BPIFB1: variants seen among roughly 807,000 people sequenced by gnomAD.
BPIFB1 encodes BPI fold-containing family B member 1.
Under a neutral mutation model 55.1 loss-of-function variants are expected in BPIFB1, and 34 were observed. The observed-to-expected ratio is 0.62, with a 90% CI of 0.47 to 0.82. The LOEUF is 0.82. Ranked by LOEUF, BPIFB1 falls within the 40% of genes least tolerant of loss-of-function variation. BPIFB1 has a pLI of 0.00. For synonymous variants in BPIFB1, 236 were observed against 245.3 expected (o/e 0.96, Z 0.35); for missense variants, 532 against 593.1 (o/e 0.90, Z 1.07).
chr20:33,308,545 CA>C (rs1981113853), intron 15 of BPIFB1, among the ~76,000 whole-genome samples: 2 of 144,494 alleles, frequency 1.4e-5, no homozygotes, highest in Admixed American at 6.9e-5. Flanking sequence ...TACACACACA[CA>C]CCTTTATACA....
chr20:33,305,872 C>A, intron 13 of BPIFB1, 130 bp from the exon 14 acceptor site: 1 of 1,027,838 alleles, frequency 9.7e-7, no homozygotes, highest in Non-Finnish European at 1.5e-6. Context: ...CTCTGATCAG[C>A]AGGGGACCTG....
intron 14 of BPIFB1, 53 bp from the exon 15 acceptor site, chr20:33,306,858 C>T: frequency 6.7e-7 from 1 of 1,494,538 alleles, no homozygotes; most frequent in Non-Finnish European, 9.3e-7. Context: ...CTGCCCCTGG[C>T]TGCCCAGTCT....
At chr20:33,305,948 G>C (rs1981011589) in intron 13 of BPIFB1, 54 bp from the exon 14 acceptor site, 1 of 1,590,494 alleles carries the variant, frequency 6.3e-7, no homozygotes, top group Non-Finnish European at 8.6e-7. Context: ...AGAATGATGG[G>C]GGGGAACTTC....
chr20:33,284,376 C>T (rs1055419718), intron 1 of BPIFB1, among the ~76,000 whole-genome samples: 3 of 152,138 alleles, frequency 2.0e-5, no homozygotes, highest in Non-Finnish European at 2.9e-5. Flanking sequence ...CCAATTCTTT[C>T]GGGGCTTCCA....
chr20:33,291,120 G>T lies in BPIFB1; in HGVS notation c.515+14G>T, dbSNP rs1980458136. 6.2e-7 allele frequency: 1 copy of T among 1,607,074 alleles called. No homozygotes were observed. The highest frequency in any genetic ancestry group is 8.5e-7 in the Non-Finnish European group (1 of 1,179,742). ...ACTGCTGCATAAGTGAGTGTCGCTG[G>T]CCACCAGCCGGGCTCCCATCCTGCC... On this transcript the variant is annotated intron_variant, in intron 5 of 15. Coordinates refer to ENST00000253354, the MANE Select transcript of BPIFB1 (RefSeq NM_033197.3).
chr20:33,305,812 C>A (rs1247903881), intron 13 of BPIFB1, among the ~76,000 whole-genome samples, 190 bp from the exon 14 acceptor site: 1 of 152,082 alleles, frequency 6.6e-6, no homozygotes, highest in Non-Finnish European at 1.5e-5. Flanking sequence ...CCAGGGGCGG[C>A]TGAGTTCATG....
At chr20:33,305,016 C>T (rs895084651) in intron 13 of BPIFB1, 125 bp downstream of exon 13, 55 of 1,071,824 alleles carry the variant, frequency 5.1e-5, no homozygotes, top group Middle Eastern at 2.4e-4. Flanking sequence ...GGGGGCTGGC[C>T]GGTCTCCACC....
intron 7 of BPIFB1, among the ~76,000 whole-genome samples, chr20:33,297,994 T>A (rs1980709847): frequency 6.6e-6 from 1 of 152,166 alleles, no homozygotes; most frequent in Non-Finnish European, 1.5e-5. Flanking sequence ...ATAGCAGGTG[T>A]CCCTCTTGGC....
At chr20:33,303,252 A>C (rs1980914802) in intron 11 of BPIFB1, among the ~76,000 whole-genome samples, 178 bp downstream of exon 11, 1 of 152,174 alleles carries the variant, frequency 6.6e-6, no homozygotes, top group Non-Finnish European at 1.5e-5. Flanking sequence ...TAACCCTGTG[A>C]CTTTCTTAGT....
At chr20:33,306,180 C>A (rs1422221021) in intron 14 of BPIFB1, 115 bp downstream of exon 14, 3 of 1,157,678 alleles carry the variant, frequency 2.6e-6, no homozygotes, top group East Asian at 2.4e-5. Context: ...TCCCTCAGAG[C>A]CTACTTCAAA....
At chr20:33,301,125 A>G (rs1980833343) in intron 8 of BPIFB1, 108 bp from the exon 9 acceptor site, 1 of 1,158,986 alleles carries the variant, frequency 8.6e-7, no homozygotes, top group Non-Finnish European at 1.2e-6. Context: ...TCCTGGCAAC[A>G]AATGCACAAA....
intron 10 of BPIFB1, chr20:33,302,695 C>G (rs946481107): frequency 4.7e-6 from 3 of 639,712 alleles, no homozygotes; most frequent in Non-Finnish European, 8.1e-6. Flanking sequence ...AGGGAGGCCT[C>G]CCTGAAGGGA....
chr20:33,285,062 C>A (rs540954936), intron 1 of BPIFB1, among the ~76,000 whole-genome samples: 1 of 152,318 alleles, frequency 6.6e-6, no homozygotes, highest in African/African-American at 2.4e-5. Context: ...GACAACATTT[C>A]TCCAAGTGTG....
At chr20:33,292,092 G>C in intron 6 of BPIFB1, 104 bp downstream of exon 6, 1 of 1,074,478 alleles carries the variant, frequency 9.3e-7, no homozygotes, top group South Asian at 1.3e-5. Flanking sequence ...CCTTGGGTGG[G>C]TTTTGCTGAA....
chr20:33,298,786 C>G (rs2146532055), intron 7 of BPIFB1: 9 of 126,216 alleles, frequency 7.1e-5, no homozygotes, highest in Non-Finnish European at 1.1e-4. Context: ...CCGTTTCTTT[C>G]CTTTTTTCTT....
chr20:33,288,725 TG>T lies in BPIFB1; in HGVS notation c.116-12del. The T allele has an allele frequency of 6.2e-7, 1 of 1,611,924 alleles. No individual in the cohort carries two copies. The highest frequency in any genetic ancestry group is 1.1e-5 in the South Asian group (1 of 90,772). ...GCCCCTCCTCCTGGGCCCTAATCCC[TG>T]GGGTCTGCCTCCAGAGCTGACACAG... On this transcript the variant is annotated splice_polypyrimidine_tract_variant and intron_variant, in intron 2 of 15. Coordinates refer to ENST00000253354, the MANE Select transcript of BPIFB1 (RefSeq NM_033197.3).
chr20:33,302,024 G>C (rs1980870894), intron 9 of BPIFB1, among the ~76,000 whole-genome samples: 1 of 152,146 alleles, frequency 6.6e-6, no homozygotes, highest in Non-Finnish European at 1.5e-5. Context: ...TCAGGGGACT[G>C]GGATGGCGAG....
intron 1 of BPIFB1, among the ~76,000 whole-genome samples, 182 bp downstream of exon 1, chr20:33,283,436 G>T (rs1340101560): frequency 6.6e-6 from 1 of 152,170 alleles, no homozygotes; most frequent in African/African-American, 2.4e-5. Context: ...TCGCCCAGAG[G>T]ACCAAAGGGC....
chr20:33,299,371 G>A (rs889485567), intron 7 of BPIFB1: 1 of 352,452 alleles, frequency 2.8e-6, no homozygotes, highest in Non-Finnish European at 5.7e-6. Flanking sequence ...GAGCCAGTTT[G>A]GATTTCAGAG....
Sources: allele counts gnomAD v4.1 joint callset (sites outside exome capture counted in the v4.1 genomes callset), GRCh38; gene constraint gnomAD v4.1.1; transcripts MANE v1.5; gene names NCBI Gene and HGNC (gene_info 2026-07-23, HGNC 2026-07-21).